MYOM1: variants seen among roughly 807,000 people sequenced by gnomAD.
The protein encoded by MYOM1 is myomesin-1.
Under a neutral mutation model 205.3 loss-of-function variants are expected in MYOM1, and 164 were observed. The ratio of observed to expected loss-of-function variants is 0.80; its 90% CI spans 0.70 to 0.91. The LOEUF (loss-of-function observed/expected upper bound fraction) is 0.91, where lower values mean the gene tolerates loss of function less well. Ranked by LOEUF, MYOM1 falls within the 40% of genes least tolerant of loss-of-function variation. The pLI is 0.00. For missense variants in MYOM1, 2,011 were observed against 2,127.3 expected (o/e 0.95, Z 1.08); for synonymous variants, 772 against 789.4 (o/e 0.98, Z 0.37).
At chr18:3,236,740 G>C in the MYOM1 span, among the ~76,000 whole-genome samples, 1 of 152,186 alleles carries the variant, frequency 6.6e-6, no homozygotes, top group Non-Finnish European at 1.5e-5. Flanking sequence ...ATACACACTT[G>C]GTGATCGGTG....
At chr18:3,204,819 T>G (rs1424692027) in intron 2 of MYOM1, among the ~76,000 whole-genome samples, 1 of 152,034 alleles carries the variant, frequency 6.6e-6, no homozygotes, top group Non-Finnish European at 1.5e-5. Flanking sequence ...GTTTCAAACT[T>G]TTTATAAAGC....
At chr18:3,090,952 T>C in intron 26 of MYOM1, 150 bp from the exon 27 acceptor site, 3 of 960,900 alleles carry the variant, frequency 3.1e-6, no homozygotes, top group South Asian at 1.7e-5. Context: ...GAGGTCGAGG[T>C]GGGAGGATTA....
chr18:3,114,465 C>T (rs1443423734), intron 21 of MYOM1, among the ~76,000 whole-genome samples: 1 of 151,304 alleles, frequency 6.6e-6, no homozygotes, highest in Non-Finnish European at 1.5e-5. Flanking sequence ...GCAGCTTCCG[C>T]CTCCCTGGTT....
At chr18:3,070,343 G>T (rs536024052) in intron 37 of MYOM1, among the ~76,000 whole-genome samples, 2 of 151,996 alleles carry the variant, frequency 1.3e-5, no homozygotes, top group South Asian at 4.2e-4. Flanking sequence ...TGTAGAGTCG[G>T]GGTCTCATTA....
chr18:3,134,637 C>T lies in MYOM1; in HGVS notation c.2384+13G>A. The T allele has an allele frequency of 5.6e-6, 9 of 1,602,768 alleles. No homozygotes were observed. Among genetic ancestry groups the T allele is most frequent in the Non-Finnish European group, 7.7e-6 (9 of 1,171,826 alleles). ...AGAGGCCATTGCCCGCCCTGCACAC[C>T]CGACTGAGTTACCGTGAGCCCTTCA... On this transcript the variant is annotated intron_variant, in intron 16 of 37. Coordinates refer to ENST00000356443, the MANE Select transcript of MYOM1 (RefSeq NM_003803.4).
intron 10 of MYOM1, among the ~76,000 whole-genome samples, chr18:3,157,917 A>G (rs1221658561): frequency 1.3e-5 from 2 of 151,748 alleles, no homozygotes; most frequent in Non-Finnish European, 2.9e-5. Flanking sequence ...CCAGCCCTCC[A>G]AATAGCCAAA....
intron 2 of MYOM1, among the ~76,000 whole-genome samples, chr18:3,208,834 T>G (rs1164389160): frequency 6.6e-6 from 1 of 152,226 alleles, no homozygotes; most frequent in African/African-American, 2.4e-5. Flanking sequence ...TTCACTATTT[T>G]GCCCAGGCTG....
At chr18:3,201,455 C>A (rs927555116) in intron 2 of MYOM1, among the ~76,000 whole-genome samples, 2 of 151,224 alleles carry the variant, frequency 1.3e-5, no homozygotes, top group African/African-American at 4.9e-5. Context: ...TAAACCCACA[C>A]GAAAAGATGG....
chr18:3,165,501 T>C (rs2080455053), intron 9 of MYOM1, among the ~76,000 whole-genome samples: 1 of 151,948 alleles, frequency 6.6e-6, no homozygotes, highest in Non-Finnish European at 1.5e-5. Flanking sequence ...TTCCATCAAA[T>C]GCTACAATCT....
intron 21 of MYOM1, among the ~76,000 whole-genome samples, chr18:3,112,787 A>G (rs1407389704): frequency 6.6e-6 from 1 of 152,242 alleles, no homozygotes; most frequent in African/African-American, 2.4e-5. Flanking sequence ...TATAGCATAT[A>G]TGTCGCTTTT....
chr18:3,197,451 T>G (rs1056487701), intron 2 of MYOM1, among the ~76,000 whole-genome samples: 2 of 152,152 alleles, frequency 1.3e-5, no homozygotes, highest in Non-Finnish European at 2.9e-5. Context: ...TTAAAAAAAT[T>G]GGGAGCATAC....
the MYOM1 span, among the ~76,000 whole-genome samples, chr18:3,237,873 T>C: frequency 6.6e-6 from 1 of 152,164 alleles, no homozygotes; most frequent in African/African-American, 2.4e-5. Flanking sequence ...TGGATGGTGG[T>C]GATGCATAAC....
chr18:3,215,585 A>T (rs779223483), intron 1 of MYOM1, among the ~76,000 whole-genome samples: 1 of 152,156 alleles, frequency 6.6e-6, no homozygotes, highest in African/African-American at 2.4e-5. Context: ...TGGGTGACAG[A>T]GCAAGACACT....
rs1202625245 is a variant in MYOM1, at chr18:3,071,852, G to A, written c.4746C>T (p.Val1582=). The stretch of plus-strand genomic sequence containing the variant: ...TGCTTACCTTCCCCTCCTGGATGGT[G>A]ACCACGTCTGGGAGACCTCCCAACA... ...ARVLGGLPDV[V]TIQEGKALNL... is the part of the protein sequence containing the mutation. Residue 1582 remains valine (V), a synonymous_variant, in exon 37 of 38, where the codon GTC becomes GTT. Coordinates refer to ENST00000356443, the MANE Select transcript of MYOM1 (RefSeq NM_003803.4). 10 of 1,604,292 alleles carry A rather than the reference G, an allele frequency of 6.2e-6. No individual in the cohort carries two copies. The East Asian group carries it at 2.0e-4, about 33-fold the overall frequency.
chr18:3,098,368 C>T (rs1008868315), intron 25 of MYOM1, among the ~76,000 whole-genome samples: 1 of 152,128 alleles, frequency 6.6e-6, no homozygotes, highest in African/African-American at 2.4e-5. Context: ...ACCTTCGCCT[C>T]CCGGGTTCAA....
intron 2 of MYOM1, among the ~76,000 whole-genome samples, chr18:3,206,144 A>G (rs550333928): frequency 8.5e-5 from 13 of 152,358 alleles, no homozygotes; most frequent in Non-Finnish European, 1.9e-4. Flanking sequence ...CTGGACATTC[A>G]AAGATGGGTA....
intron 2 of MYOM1, among the ~76,000 whole-genome samples, chr18:3,210,079 T>C (rs1387103853): frequency 6.6e-6 from 1 of 152,222 alleles, no homozygotes; most frequent in Admixed American, 6.5e-5. Flanking sequence ...TGAGGGACAG[T>C]CATTTTCCTC....
chr18:3,084,940 A>C, intron 31 of MYOM1, 105 bp downstream of exon 31: 1 of 874,754 alleles, frequency 1.1e-6, no homozygotes. Context: ...ATCTGTGGAC[A>C]AAAAAAATCA....
intron 20 of MYOM1, among the ~76,000 whole-genome samples, chr18:3,119,357 G>A (rs1387101949): frequency 6.6e-6 from 1 of 152,204 alleles, no homozygotes; most frequent in East Asian, 1.9e-4. Context: ...TGAAGAGCTG[G>A]GAGGAGGGAG....
Sources: allele counts gnomAD v4.1 joint callset (sites outside exome capture counted in the v4.1 genomes callset), GRCh38; gene constraint gnomAD v4.1.1; transcripts MANE v1.5; gene names NCBI Gene and HGNC (gene_info 2026-07-23, HGNC 2026-07-21).